The following RTF1 variants were observed in gnomAD, a reference collection of about 807,000 sequenced individuals.
The protein encoded by RTF1 is RNA polymerase-associated protein RTF1 homolog.
Under a neutral mutation model 95.7 loss-of-function variants are expected in RTF1, and 10 were observed. The observed-to-expected ratio is 0.10, with a 90% CI of 0.06 to 0.18. The LOEUF (loss-of-function observed/expected upper bound fraction) is 0.18, where lower values mean the gene tolerates loss of function less well. Ranked by LOEUF, RTF1 falls within the 10% of genes least tolerant of loss-of-function variation. RTF1 has a pLI of 1.00. For missense variants in RTF1, 458 were observed against 875.6 expected (o/e 0.52, Z 6.02); for synonymous variants, 305 against 311.8 (o/e 0.98, Z 0.23).
Position 41,481,766 on chromosome 15 carries a change from T to C in RTF1, c.*1079T>C, listed in dbSNP as rs1348300812. 1.3e-5 allele frequency: 2 copies of C among 152,582 alleles called. No homozygotes were observed. Among genetic ancestry groups the C allele is most frequent in the Non-Finnish European group, 2.9e-5 (2 of 68,046 alleles). The allele number at this position is 152,582 out of a possible 1,614,324, so 9.5% of individuals were successfully genotyped here. ...TTTAAGAGAAATTTCTGAATATGAA[T>C]GTGGAGAGCAAACACAAAAAGATTT... is the stretch of plus-strand genomic sequence containing the variant. On this transcript the variant is annotated 3_prime_UTR_variant, in exon 18 of 18. Transcript: ENST00000389629.
At chr15:41,463,571 T>TCCCA (rs1566846057) in intron 4 of RTF1, among the ~76,000 whole-genome samples, 1 of 151,910 alleles carries the variant, frequency 6.6e-6, no homozygotes, top group Non-Finnish European at 1.5e-5. Context: ...AGCCTCAATC[T>TCCCA]CCTGGGCTCA....
chr15:41,422,953 T>C (rs1013312929), intron 1 of RTF1, among the ~76,000 whole-genome samples: 3 of 152,068 alleles, frequency 2.0e-5, no homozygotes, highest in Non-Finnish European at 4.4e-5. Flanking sequence ...TTTGTATTTT[T>C]AGTAGAGACG....
At chr15:41,426,371 T>C (rs1333534406) in intron 1 of RTF1, among the ~76,000 whole-genome samples, 3 of 151,492 alleles carry the variant, frequency 2.0e-5, no homozygotes, top group African/African-American at 4.8e-5. Context: ...AGTGGCACGA[T>C]CTCTGCTCAC....
intron 1 of RTF1, among the ~76,000 whole-genome samples, chr15:41,430,680 G>A (rs138386466): frequency 0.012 from 1,893 of 151,834 alleles, 20 homozygotes; most frequent in Non-Finnish European, 0.021. Context: ...GGCAAAGGCT[G>A]CAGTGAGCCA....
intron 1 of RTF1, among the ~76,000 whole-genome samples, chr15:41,437,732 G>A (rs2050712224): frequency 6.6e-6 from 1 of 152,144 alleles, no homozygotes; most frequent in Non-Finnish European, 1.5e-5. Context: ...AAATGACCAG[G>A]ACAAGGCAGA....
intron 1 of RTF1, among the ~76,000 whole-genome samples, chr15:41,422,103 C>T (rs1263831400): frequency 6.6e-6 from 1 of 152,096 alleles, no homozygotes; most frequent in Admixed American, 6.6e-5. Flanking sequence ...AGCACGATCT[C>T]GACTCACTGC....
intron 12 of RTF1, 31 bp downstream of exon 12, chr15:41,476,554 A>G (rs1284566526): frequency 2.5e-6 from 4 of 1,571,962 alleles, no homozygotes; most frequent in East Asian, 4.5e-5. Flanking sequence ...CTCTTTCCTC[A>G]TCCTGTAAGG....
rs555602583 is a variant in RTF1 at position 41,476,000 on chromosome 15, C to T, written c.1482+181C>T. ...GCTTTTTTCTATACATTCTCATGTC[C>T]GGATGAGGCTAACATAGACTGAAGT... On this transcript the variant is annotated intron_variant, in intron 11 of 17. Transcript: ENST00000389629. Among the ~76,000 whole-genome samples the T allele has an allele frequency of 2.0e-3, 297 of 152,182 alleles. 1 individual carries two copies. The highest frequency in any genetic ancestry group is 6.8e-3 in the African/African-American group (284 of 41,520).
intron 1 of RTF1, among the ~76,000 whole-genome samples, chr15:41,434,775 A>G (rs189936294): frequency 2.6e-5 from 4 of 151,686 alleles, no homozygotes; most frequent in African/African-American, 9.7e-5. Flanking sequence ...TTACAGGCGC[A>G]CATCACCATG....
intron 1 of RTF1, among the ~76,000 whole-genome samples, chr15:41,424,455 T>C (rs1208452715): frequency 6.6e-6 from 1 of 152,090 alleles, no homozygotes; most frequent in African/African-American, 2.4e-5. Context: ...ACAGAGTGAG[T>C]AACATAAACT....
intron 1 of RTF1, among the ~76,000 whole-genome samples, chr15:41,418,638 C>G (rs1240462338): frequency 6.6e-6 from 1 of 151,928 alleles, no homozygotes; most frequent in Non-Finnish European, 1.5e-5. Flanking sequence ...TGGAGAAACC[C>G]CATCTCTACT....
chr15:41,438,388 C>T lies in RTF1; in HGVS notation c.266C>T (p.Pro89Leu). 6.4e-7 allele frequency: 1 copy of T among 1,551,274 alleles called. No individual in the cohort carries two copies. The highest frequency in any genetic ancestry group is 8.7e-7 in the Non-Finnish European group (1 of 1,146,692). The stretch of plus-strand genomic sequence containing the variant: ...GAGAAGGAGCCGCCTGTGAGTCAGC[C>T]TGCAGCCTCGTCAGACTCGGAGACG... ...SEEKEPPVSQ[P>L]AASSDSETSD... The change falls in exon 2 of 18, where the codon CCT becomes CTT. Residue 89 changes from proline (P) to leucine (L), a missense_variant. Physicochemically the swap from Pro to Leu is moderately conservative, Grantham distance 98. Transcript: ENST00000389629.
intron 1 of RTF1, among the ~76,000 whole-genome samples, chr15:41,436,332 C>T (rs1436739162): frequency 4.0e-5 from 6 of 150,840 alleles, no homozygotes; most frequent in African/African-American, 7.3e-5. Context: ...TGGCTGGCAC[C>T]GGTAGTCCCA....
chr15:41,466,300 C>T lies in RTF1; in HGVS notation c.889+48C>T, dbSNP rs150010653. ...CTACTTGTGTCTTTATATGATTTGACTTCCTGGTGTCCATTTTCATTTTGC... is the reference window on the plus strand; with the variant it reads ...CTACTTGTGTCTTTATATGATTTGATTTCCTGGTGTCCATTTTCATTTTGC... On this transcript the variant is annotated intron_variant, in intron 6 of 17. Transcript: ENST00000389629. The T allele has an allele frequency of 7.7e-4, 965 of 1,247,200 alleles. 9 individuals are homozygous for T. The Admixed American group carries it at 0.014, about 18-fold the overall frequency. The allele number at this position is 1,247,200 out of a possible 1,614,324, so 77.3% of individuals were successfully genotyped here.
At chr15:41,421,380 C>G (rs2050599742) in intron 1 of RTF1, among the ~76,000 whole-genome samples, 1 of 151,792 alleles carries the variant, frequency 6.6e-6, no homozygotes, top group Non-Finnish European at 1.5e-5. Context: ...CACTTGAACC[C>G]AGGAGGTGGA....
In RTF1 at chr15:41,480,265, G is replaced by A; in HGVS notation, c.1966G>A (p.Glu656Lys). Residue 656 changes from glutamate (E) to lysine (K), a missense_variant, in exon 17 of 18, where the codon GAA (glutamate) becomes AAA (lysine). Glu to Lys is a moderately conservative substitution (Grantham distance 56). Around this residue, in one of 11 missense-constraint regions of RTF1, gnomAD observed 50 missense variants for 100.0 expected, o/e 0.50. Transcript: ENST00000389629. ...TTCTAAGTCAGCCAGTGACCTCTCA[G>A]AAGATCTGTTCAAAGTACACGATTT... is the stretch of plus-strand genomic sequence containing the variant. Reference protein sequence around the residue: ...LNSKSASDLSEDLFKVHDFDV... With the variant: ...LNSKSASDLSKDLFKVHDFDV... The A allele has an allele frequency of 6.2e-7, 1 of 1,614,118 alleles. No individual in the cohort carries two copies. The highest frequency in any genetic ancestry group is 8.5e-7 in the Non-Finnish European group (1 of 1,179,948).
intron 2 of RTF1, among the ~76,000 whole-genome samples, chr15:41,445,033 G>A (rs2050753973): frequency 6.6e-6 from 1 of 152,060 alleles, no homozygotes; most frequent in Non-Finnish European, 1.5e-5. Context: ...CCGGATTCAC[G>A]CCGTTCTCCT....
chr15:41,466,837 C>G (rs575799225), intron 6 of RTF1, among the ~76,000 whole-genome samples: 4 of 152,224 alleles, frequency 2.6e-5, no homozygotes, highest in Non-Finnish European at 5.9e-5. Context: ...CATTTGTCTT[C>G]TGGTTTCTCA....
chr15:41,469,275 C>A (rs185321123), intron 6 of RTF1, among the ~76,000 whole-genome samples: 98 of 151,974 alleles, frequency 6.4e-4, no homozygotes, highest in South Asian at 5.2e-3. Flanking sequence ...TTATATTATT[C>A]TTTTTTCTTT....
Sources: allele counts gnomAD v4.1 joint callset (sites outside exome capture counted in the v4.1 genomes callset), GRCh38; gene constraint gnomAD v4.1.1; regional missense constraint gnomAD v4.1.1; transcripts MANE v1.5; gene names NCBI Gene and HGNC (gene_info 2026-07-23, HGNC 2026-07-21).